The following FCN1 variants were observed in gnomAD, a reference collection of about 807,000 sequenced individuals.
FCN1 encodes ficolin 1.
Under a neutral mutation model 35.6 loss-of-function variants are expected in FCN1, and 42 were observed. The observed-to-expected ratio is 1.18, with a 90% CI of 0.92 to 1.53. FCN1 has a LOEUF of 1.53. FCN1 is among the 40% of genes most tolerant of loss of function. The pLI is 0.00. For synonymous variants in FCN1, 179 were observed against 169.8 expected, an observed-to-expected ratio of 1.05 and a Z score of -0.42; for missense variants, 439 against 428.4, an observed-to-expected ratio of 1.02 and a Z score of -0.22.
chr9:134,911,457 G>A (rs1177934025), intron 7 of FCN1, among the ~76,000 whole-genome samples, 190 bp from the exon 8 acceptor site: 6 of 150,486 alleles, frequency 4.0e-5, no homozygotes, highest in African/African-American at 1.5e-4. Context: ...CAATTCTCCT[G>A]CCTCAGCCTC....
At position 134,909,475 on chromosome 9, in the gene FCN1, C is replaced by T; in HGVS notation, c.*323G>A. 7.6e-7 allele frequency: 1 copy of T among 1,313,526 alleles called. No individual in the cohort carries two copies. Among genetic ancestry groups the T allele is most frequent in the Non-Finnish European group, 1.0e-6 (1 of 1,004,698 alleles). 81.4% of individuals were successfully genotyped at this position (1,313,526 alleles called of 1,614,324 possible). ...TAGTGCCATCTGCTAAATAAGGGTC[C>T]TGACTCTTCCCGACTTACCAAATTC... On this transcript the variant is annotated 3_prime_UTR_variant, in exon 9 of 9. Coordinates refer to ENST00000371806, the MANE Select transcript of FCN1 (RefSeq NM_002003.5).
chr9:134,917,176 C>G (rs577256191), intron 1 of FCN1, among the ~76,000 whole-genome samples: 1 of 152,324 alleles, frequency 6.6e-6, no homozygotes, highest in Non-Finnish European at 1.5e-5. Flanking sequence ...CCTCCTTCCA[C>G]TAGAGCAGGC....
chr9:134,912,554 T>A lies in FCN1; in HGVS notation c.530A>T (p.Gln177Leu). The change falls in exon 7 of 9, where the codon CAG becomes CTG. Residue 177 changes from glutamine (Q) to leucine (L), a missense_variant. Gln to Leu is a moderately radical substitution (Grantham distance 113). Coordinates refer to ENST00000371806, the MANE Select transcript of FCN1 (RefSeq NM_002003.5). ...DFYRDWAAYK[Q>L]GFGSQLGEFW... ...CTCCCCCAGCTGACTGCCGAAGCCC[T>A]GCTTGTATGCGGCCCAGTCCCGATA... The A allele has an allele frequency of 6.2e-7, 1 of 1,614,076 alleles. No homozygotes were observed.
intron 5 of FCN1, 25 bp from the exon 6 acceptor site, chr9:134,913,168 C>T: frequency 6.2e-7 from 1 of 1,612,892 alleles, no homozygotes. Flanking sequence ...CGGGGAATGG[C>T]TGCAGGACGG....
rs1457059277 is a variant in FCN1 at position 134,913,057 on chromosome 9, T to A, written c.427A>T (p.Thr143Ser). The change falls in exon 6 of 9, where the codon ACT becomes TCT. Residue 143 changes from threonine to serine, a missense_variant. Transcript: ENST00000371806. ...TIYLPDCRPLTVLCDMDTDGG... is the reference protein window; with the variant it reads ...TIYLPDCRPLSVLCDMDTDGG... The stretch of plus-strand genomic sequence containing the variant: ...TCCGTGTCCATGTCACAGAGCACAG[T>A]CAGGGGCCGGCAGTCGGGCAGGTAG... 5 of 1,613,242 alleles carry A rather than the reference T, an allele frequency of 3.1e-6. No individual in the cohort carries two copies. The Middle Eastern group carries it at 4.9e-4, about 160-fold the overall frequency.
intron 2 of FCN1, 55 bp downstream of exon 2, chr9:134,916,293 G>C (rs546380657): frequency 2.3e-6 from 3 of 1,331,784 alleles, no homozygotes; most frequent in African/African-American, 1.4e-5. Flanking sequence ...GTTTCATAAA[G>C]AGCAAGAGCC....
At position 134,904,452 on chromosome 9, in the gene FCN1, T is replaced by G. The variant is rs775183785; in HGVS notation, c.*5346A>C. On this transcript the variant is annotated 3_prime_UTR_variant, in exon 9 of 9. Transcript: ENST00000371806. ...TAAAGATGTTTTCAGATAATAAAAG[T>G]GGACAGAATTCATCCTCAGCAGACT... Among the ~76,000 whole-genome samples, 3 of 152,248 alleles carry G rather than the reference T, an allele frequency of 2.0e-5. No homozygotes were observed. The highest frequency in any genetic ancestry group is 3.4e-3 in the Middle Eastern group (1 of 292).
At chr9:134,915,446 G>A (rs1308542540) in intron 2 of FCN1, among the ~76,000 whole-genome samples, 1 of 152,182 alleles carries the variant, frequency 6.6e-6, no homozygotes. Context: ...CCCACTGGTA[G>A]AAGCCTGGTT....
In FCN1 at chr9:134,909,135, C is replaced by T. The variant is rs1359317808; in HGVS notation, c.*663G>A. On this transcript the variant is annotated 3_prime_UTR_variant, in exon 9 of 9. Transcript: ENST00000371806. ...TCTGTGTGTGGGAGGAAGGCCTCTT[C>T]GGAATCTTCTCTGTGCAGGTGGCTG... 6 of 1,165,690 alleles carry T rather than the reference C, an allele frequency of 5.1e-6. No homozygotes were observed. Among genetic ancestry groups the T allele is most frequent in the African/African-American group, 1.6e-5 (1 of 63,024 alleles). 72.2% of individuals were successfully genotyped at this position (1,165,690 alleles called of 1,614,324 possible).
chr9:134,913,872 C>T (rs531827387), intron 4 of FCN1, among the ~76,000 whole-genome samples: 3 of 152,146 alleles, frequency 2.0e-5, no homozygotes, highest in South Asian at 2.1e-4. Flanking sequence ...TCCTGCTGGA[C>T]GAACTGGACC....
At position 134,906,298 on chromosome 9, in the gene FCN1, A is replaced by G. The variant is rs969157101; in HGVS notation, c.*3500T>C. ...TGAAAGCTACAAATTCAAAAACTCAATTCATCCTGAATATTTTAAGTTTGG... is the reference window on the plus strand; with the variant it reads ...TGAAAGCTACAAATTCAAAAACTCAGTTCATCCTGAATATTTTAAGTTTGG... On this transcript the variant is annotated 3_prime_UTR_variant, in exon 9 of 9. Coordinates refer to ENST00000371806, the MANE Select transcript of FCN1 (RefSeq NM_002003.5). 6.6e-6 allele frequency: 1 copy of G among 152,224 alleles called. No individual in the cohort carries two copies. Among genetic ancestry groups the G allele is most frequent in the Admixed American group, 6.5e-5 (1 of 15,286 alleles). The allele number at this position is 152,224 out of a possible 1,614,324, so 9.4% of individuals were successfully genotyped here. A position where few individuals can be genotyped will look rare whatever the true frequency, so the allele number is the denominator to read the frequency against.
At chr9:134,911,684 C>T (rs537884276) in intron 7 of FCN1, among the ~76,000 whole-genome samples, 5 of 152,166 alleles carry the variant, frequency 3.3e-5, no homozygotes, top group East Asian at 3.9e-4. Flanking sequence ...GATGTCTGAA[C>T]GTGGCATCCA....
intron 2 of FCN1, among the ~76,000 whole-genome samples, chr9:134,915,367 G>T (rs1299491908): frequency 6.6e-6 from 1 of 152,176 alleles, no homozygotes; most frequent in South Asian, 2.1e-4. Flanking sequence ...CAGCCCGCTC[G>T]CTGACCCCAG....
chr9:134,916,361 G>A lies in FCN1; in HGVS notation c.204C>T (p.Val68=), dbSNP rs368075600. The change falls in exon 2 of 9, where the codon GTC becomes GTT. Residue 68 remains valine (V), a synonymous_variant. Transcript: ENST00000371806. ...GCCCGCACCTACCTCTCTCTCCAATGACACCTGCCTCTCCCTTTGGCCCTG... is the reference window on the plus strand; with the variant it reads ...GCCCGCACCTACCTCTCTCTCCAATAACACCTGCCTCTCCCTTTGGCCCTG... ...GAPGPKGEAG[V]IGERGERGLP... 6 of 1,613,712 alleles carry A rather than the reference G, an allele frequency of 3.7e-6. No homozygotes were observed. The highest frequency in any genetic ancestry group is 1.3e-5 in the African/African-American group (1 of 74,922).
At position 134,909,189 on chromosome 9, in the gene FCN1, T is replaced by C; in HGVS notation, c.*609A>G. The stretch of plus-strand genomic sequence containing the variant: ...AGGCGCTCACTTAGTGAGTGCTAAG[T>C]GTTTATCTCTTCCCAGCAGCCAGCC... On this transcript the variant is annotated 3_prime_UTR_variant, in exon 9 of 9. Transcript: ENST00000371806. The C allele has an allele frequency of 7.8e-7, 1 of 1,288,618 alleles. No homozygotes were observed. 79.8% of individuals were successfully genotyped at this position (1,288,618 alleles called of 1,614,324 possible). A position where few individuals can be genotyped will look rare whatever the true frequency, so the allele number is the denominator to read the frequency against.
chr9:134,914,720 T>A, intron 3 of FCN1, 36 bp downstream of exon 3: 1 of 1,543,478 alleles, frequency 6.5e-7, no homozygotes, highest in Non-Finnish European at 8.9e-7. Flanking sequence ...CCAAGGTCCC[T>A]GCTCAAGGCC....
In FCN1 at chr9:134,909,792, G is replaced by A. The variant is rs968200258; in HGVS notation, c.*6C>T. 35 of 1,612,468 alleles carry A rather than the reference G, an allele frequency of 2.2e-5. No individual in the cohort carries two copies. The highest frequency in any genetic ancestry group is 2.7e-5 in the Non-Finnish European group (32 of 1,179,916). The stretch of plus-strand genomic sequence containing the variant: ...AGCAGGTGCATGTGGAGGGGTCCTG[G>A]CCCGTCTAGGCGGGCCGCACCTTCA... On this transcript the variant is annotated 3_prime_UTR_variant, in exon 9 of 9. Coordinates refer to ENST00000371806, the MANE Select transcript of FCN1 (RefSeq NM_002003.5).
At chr9:134,917,678 G>A (rs1831107834) in intron 1 of FCN1, 91 bp downstream of exon 1, 1 of 781,132 alleles carries the variant, frequency 1.3e-6, no homozygotes, top group Admixed American at 1.9e-5. Context: ...ACAGGAAGAT[G>A]TGCATAAAAG....
chr9:134,916,850 C>G (rs1262701849), intron 1 of FCN1, among the ~76,000 whole-genome samples: 1 of 152,152 alleles, frequency 6.6e-6, no homozygotes, highest in Non-Finnish European at 1.5e-5. Context: ...TTCTAAGAAA[C>G]TTGGGGAATT....
Sources: allele counts gnomAD v4.1 joint callset (sites outside exome capture counted in the v4.1 genomes callset), GRCh38; gene constraint gnomAD v4.1.1; transcripts MANE v1.5; gene names NCBI Gene and HGNC (gene_info 2026-07-23, HGNC 2026-07-21).